The following KCNH1 variants were observed in gnomAD, a reference collection of about 807,000 sequenced individuals.
The protein encoded by KCNH1 is potassium voltage-gated channel subfamily H member 1.
Under a neutral mutation model 69.2 loss-of-function variants are expected in KCNH1, and 27 were observed. The ratio of observed to expected loss-of-function variants is 0.39; its 90% CI spans 0.29 to 0.54. The LOEUF is 0.54. Ranked by LOEUF, KCNH1 falls within the 20% of genes least tolerant of loss-of-function variation. KCNH1 has a pLI of 0.68. For synonymous variants in KCNH1, 456 were observed against 487.7 expected, an observed-to-expected ratio of 0.93 and a Z score of 0.86; for missense variants, 798 against 1,261.6, an observed-to-expected ratio of 0.63 and a Z score of 5.57.
intron 7 of KCNH1, among the ~76,000 whole-genome samples, chr1:210,874,459 A>C (rs1291980883): frequency 4.6e-5 from 7 of 152,256 alleles, no homozygotes; most frequent in Non-Finnish European, 1.0e-4. Flanking sequence ...AACATGCCAT[A>C]CTTTCTTCTG....
At chr1:211,078,476 G>A (rs915708719) in intron 5 of KCNH1, among the ~76,000 whole-genome samples, 6 of 152,188 alleles carry the variant, frequency 3.9e-5, no homozygotes, top group East Asian at 3.9e-4. Context: ...ACTCAAAACC[G>A]CTCAACTACA....
chr1:210,937,303 G>T (rs1257036125), intron 6 of KCNH1, among the ~76,000 whole-genome samples: 1 of 152,144 alleles, frequency 6.6e-6, no homozygotes, highest in African/African-American at 2.4e-5. Flanking sequence ...ATTCTGCATG[G>T]CCACATAGTG....
chr1:210,924,192 A>C (rs555784439), intron 6 of KCNH1, among the ~76,000 whole-genome samples: 53 of 152,364 alleles, frequency 3.5e-4, no homozygotes, highest in Non-Finnish European at 5.7e-4. Flanking sequence ...TCTAACCTCC[A>C]GAACTGTGAG....
intron 1 of KCNH1, among the ~76,000 whole-genome samples, chr1:211,123,316 A>C (rs2102499335): frequency 6.6e-6 from 1 of 152,346 alleles, no homozygotes; most frequent in Non-Finnish European, 1.5e-5. Flanking sequence ...TAAAGCTGAG[A>C]GATCTGTAGA....
chr1:211,043,717 C>G (rs1690044132), intron 5 of KCNH1, among the ~76,000 whole-genome samples: 1 of 152,142 alleles, frequency 6.6e-6, no homozygotes, highest in Admixed American at 6.5e-5. Context: ...CTAAATCCAA[C>G]AACATATCAA....
chr1:210,898,613 T>A (rs1475998103), intron 7 of KCNH1, among the ~76,000 whole-genome samples: 1 of 151,336 alleles, frequency 6.6e-6, no homozygotes, highest in Non-Finnish European at 1.5e-5. Flanking sequence ...GCCAGGCCTG[T>A]GTCAGGCATG....
At chr1:211,084,819 T>C (rs946143) in intron 4 of KCNH1, among the ~76,000 whole-genome samples, 63,390 of 152,108 alleles carry the variant, frequency 0.42, 13,817 homozygotes, top group Non-Finnish European at 0.47. Flanking sequence ...AATAGATTCA[T>C]TCATTCATGT....
At chr1:210,835,433 C>T (rs1403517517) in intron 7 of KCNH1, among the ~76,000 whole-genome samples, 3 of 152,172 alleles carry the variant, frequency 2.0e-5, no homozygotes, top group East Asian at 1.9e-4. Flanking sequence ...TAACACTTAT[C>T]GTTTCAAGAA....
Position 210,828,442 on chromosome 1 carries a change from C to G in KCNH1, c.1463-24276G>C, listed in dbSNP as rs115933863. On this transcript the variant is annotated intron_variant, in intron 7 of 10. Transcript: ENST00000271751. ...TGACTCCTGAACGTTCCCATAGTAA[C>G]ATCTAGACCTCAGAACACTTATTAG... Among the ~76,000 whole-genome samples the G allele has an allele frequency of 2.2e-3, 334 of 152,280 alleles. 3 individuals are homozygous for G. Among genetic ancestry groups the G allele is most frequent in the African/African-American group, 7.9e-3 (328 of 41,570 alleles).
chr1:210,823,836 C>T lies in KCNH1; in HGVS notation c.1463-19670G>A, dbSNP rs1684982181. Among the ~76,000 whole-genome samples the T allele has an allele frequency of 2.6e-5, 4 of 152,322 alleles. No individual in the cohort carries two copies. The South Asian group carries it at 8.3e-4, about 32-fold the overall frequency. On this transcript the variant is annotated intron_variant, in intron 7 of 10. Coordinates refer to ENST00000271751, the MANE Select transcript of KCNH1 (RefSeq NM_172362.3). Reference sequence around the variant, plus strand: ...GAGGCCTGAGCGCTTTATTACTGTACTGGCCCTTGCCTACCTAGACTGCCT... The same window carrying T: ...GAGGCCTGAGCGCTTTATTACTGTATTGGCCCTTGCCTACCTAGACTGCCT...
chr1:211,024,895 GT>G (rs149092608), intron 5 of KCNH1, among the ~76,000 whole-genome samples: 5,755 of 152,134 alleles, frequency 0.038, 217 homozygotes, highest in South Asian at 0.12. Flanking sequence ...CTACAGGACT[GT>G]TTTTAAGTGA....
chr1:211,000,195 T>C (rs1353708558), intron 6 of KCNH1, among the ~76,000 whole-genome samples: 1 of 152,166 alleles, frequency 6.6e-6, no homozygotes, highest in Non-Finnish European at 1.5e-5. Flanking sequence ...ATAAAGAGTA[T>C]TCATTAGAAA....
intron 10 of KCNH1, among the ~76,000 whole-genome samples, chr1:210,732,446 C>G (rs751418391): frequency 1.8e-4 from 27 of 152,162 alleles, no homozygotes; most frequent in Non-Finnish European, 3.8e-4. Flanking sequence ...GCAGGCTCCT[C>G]TAGCAGACAT....
At chr1:210,925,303 G>C (rs1687545372) in intron 6 of KCNH1, among the ~76,000 whole-genome samples, 1 of 152,234 alleles carries the variant, frequency 6.6e-6, no homozygotes, top group African/African-American at 2.4e-5. Context: ...GCAGCATGTG[G>C]AGACTCATGC....
intron 5 of KCNH1, among the ~76,000 whole-genome samples, chr1:211,028,694 A>C (rs1342764606): frequency 1.3e-5 from 2 of 152,136 alleles, no homozygotes; most frequent in South Asian, 4.1e-4. Flanking sequence ...ATGACTAGTT[A>C]GGGGAAATGG....
chr1:210,974,324 A>G (rs1285041109), intron 6 of KCNH1, among the ~76,000 whole-genome samples: 1 of 152,132 alleles, frequency 6.6e-6, no homozygotes, highest in African/African-American at 2.4e-5. Context: ...AGTATATTAC[A>G]GTAATTAATT....
At chr1:211,085,807 A>T (rs1345242936) in intron 4 of KCNH1, among the ~76,000 whole-genome samples, 2 of 152,200 alleles carry the variant, frequency 1.3e-5, no homozygotes, top group Non-Finnish European at 2.9e-5. Context: ...CAGAAGAATC[A>T]CTTCTGGAGA....
At chr1:211,000,399 A>G (rs1378402913) in intron 6 of KCNH1, among the ~76,000 whole-genome samples, 1 of 152,218 alleles carries the variant, frequency 6.6e-6, no homozygotes, top group Non-Finnish European at 1.5e-5. Context: ...ATCATGAGTG[A>G]AATCCCATTC....
chr1:210,740,732 T>TA (rs67353026), intron 10 of KCNH1, among the ~76,000 whole-genome samples: 2,847 of 131,796 alleles, frequency 0.022, 126 homozygotes, highest in South Asian at 0.032. Flanking sequence ...TTTTTTTTTT[T>TA]ACTAAAAGAA....
Sources: allele counts gnomAD v4.1 joint callset (sites outside exome capture counted in the v4.1 genomes callset), GRCh38; gene constraint gnomAD v4.1.1; transcripts MANE v1.5; gene names NCBI Gene and HGNC (gene_info 2026-07-23, HGNC 2026-07-21).